The following CFAP221 variants were observed in gnomAD, a reference collection of about 807,000 sequenced individuals.
CFAP221 encodes cilia and flagella associated protein 221, also known as cilia- and flagella-associated protein 221.
CFAP221 carries 97 observed loss-of-function variants against 113.1 expected under a neutral mutation model. The ratio of observed to expected loss-of-function variants is 0.86; its 90% CI spans 0.73 to 1.02. The LOEUF (loss-of-function observed/expected upper bound fraction) is 1.02, where lower values mean the gene tolerates loss of function less well. Ranked by LOEUF, CFAP221 falls within the 50% of genes least tolerant of loss-of-function variation. The pLI, the probability that CFAP221 is intolerant of heterozygous loss-of-function variation, is 0.00. For synonymous variants in CFAP221, 331 were observed against 354.4 expected (o/e 0.93, Z 0.74); for missense variants, 1,025 against 1,013.4 (o/e 1.01, Z -0.16).
intron 21 of CFAP221, among the ~76,000 whole-genome samples, chr2:119,645,073 T>C (rs1003973041): frequency 3.4e-5 from 5 of 146,998 alleles, no homozygotes; most frequent in African/African-American, 1.3e-4. Flanking sequence ...TAATTTCTTT[T>C]TCTTTTCTCT....
intron 13 of CFAP221, among the ~76,000 whole-genome samples, chr2:119,614,064 G>T (rs895114924): frequency 8.5e-5 from 13 of 152,260 alleles, no homozygotes; most frequent in African/African-American, 2.4e-4. Flanking sequence ...GATCTCTAGG[G>T]CAGGGGCAAA....
At chr2:119,622,683 C>T (rs546076319) in intron 14 of CFAP221, among the ~76,000 whole-genome samples, 1 of 152,328 alleles carries the variant, frequency 6.6e-6, no homozygotes, top group East Asian at 1.9e-4. Flanking sequence ...ATCAAGTCAG[C>T]TTCATCCCTG....
chr2:119,632,009 T>C (rs1311030178), intron 19 of CFAP221, among the ~76,000 whole-genome samples: 1 of 152,216 alleles, frequency 6.6e-6, no homozygotes, highest in South Asian at 2.1e-4. Flanking sequence ...AGAAATTGAA[T>C]TTTTGGTTGA....
chr2:119,566,738 C>G (rs560625731), intron 6 of CFAP221, among the ~76,000 whole-genome samples: 1 of 152,222 alleles, frequency 6.6e-6, no homozygotes, highest in Non-Finnish European at 1.5e-5. Flanking sequence ...CCGCACACCC[C>G]ACTCAGAGGC....
At chr2:119,595,961 G>A (rs965738434) in intron 7 of CFAP221, among the ~76,000 whole-genome samples, 3 of 151,922 alleles carry the variant, frequency 2.0e-5, no homozygotes, top group South Asian at 2.1e-4. Flanking sequence ...AGGGAAAGAC[G>A]AGAGCCCATT....
chr2:119,635,775 T>C (rs982785282), intron 19 of CFAP221, among the ~76,000 whole-genome samples: 15 of 152,140 alleles, frequency 9.9e-5, no homozygotes, highest in African/African-American at 2.9e-4. Context: ...TGAAGCATTA[T>C]AGTGAAGTCT....
At chr2:119,576,435 A>C (rs191290482) in intron 6 of CFAP221, among the ~76,000 whole-genome samples, 1 of 152,230 alleles carries the variant, frequency 6.6e-6, no homozygotes, top group African/African-American at 2.4e-5. Context: ...GCTCTCACTT[A>C]CAAGTGAAAA....
intron 20 of CFAP221, among the ~76,000 whole-genome samples, chr2:119,639,435 G>A (rs1347452526): frequency 6.6e-6 from 1 of 152,192 alleles, no homozygotes; most frequent in African/African-American, 2.4e-5. Flanking sequence ...AGTGCTGCTG[G>A]ATGAACTGCC....
At position 119,647,068 on chromosome 2, in the gene CFAP221, A is replaced by G; in HGVS notation, c.2318+18A>G. On this transcript the variant is annotated intron_variant, in intron 22 of 23. Coordinates refer to ENST00000413369, the MANE Select transcript of CFAP221 (RefSeq NM_001271049.2). The stretch of plus-strand genomic sequence containing the variant: ...GTAGAACGGTATTTTTTTTTTTTTT[A>G]ATCTTTGGCCTCTAATGTGGTCTGT... The G allele has an allele frequency of 6.5e-7, 1 of 1,529,780 alleles. No individual in the cohort carries two copies. The highest frequency in any genetic ancestry group is 8.9e-7 in the Non-Finnish European group (1 of 1,117,748). 94.8% of individuals were successfully genotyped at this position (1,529,780 alleles called of 1,614,324 possible).
chr2:119,577,535 A>G (rs1412783550), intron 6 of CFAP221, among the ~76,000 whole-genome samples: 3 of 152,222 alleles, frequency 2.0e-5, no homozygotes, highest in Admixed American at 6.5e-5. Flanking sequence ...AAGAGGGGCT[A>G]TAGTACAGCA....
chr2:119,645,344 T>G (rs888697125), intron 21 of CFAP221, among the ~76,000 whole-genome samples: 16 of 152,070 alleles, frequency 1.1e-4, no homozygotes, highest in African/African-American at 3.9e-4. Context: ...CCCACCTCCC[T>G]CCAGCCCCTG....
At chr2:119,560,860 G>A (rs151010575) in intron 5 of CFAP221, among the ~76,000 whole-genome samples, 6 of 152,060 alleles carry the variant, frequency 3.9e-5, no homozygotes, top group South Asian at 2.1e-4. Flanking sequence ...GACTCACTTC[G>A]TCATATTAGA....
chr2:119,585,921 GGT>G (rs1449819895), intron 6 of CFAP221, among the ~76,000 whole-genome samples: 2 of 152,170 alleles, frequency 1.3e-5, no homozygotes, highest in Non-Finnish European at 2.9e-5. Flanking sequence ...CAGACAGATG[GGT>G]TCGGATGGGT....
chr2:119,628,252 A>G (rs780106025), intron 16 of CFAP221, among the ~76,000 whole-genome samples: 1 of 142,914 alleles, frequency 7.0e-6, no homozygotes, highest in Non-Finnish European at 1.5e-5. Flanking sequence ...AATCTAACCC[A>G]TCAGACTCAC....
intron 19 of CFAP221, among the ~76,000 whole-genome samples, chr2:119,636,911 C>T (rs528300110): frequency 2.0e-5 from 3 of 152,242 alleles, no homozygotes; most frequent in African/African-American, 4.8e-5. Flanking sequence ...CATTCATGAA[C>T]GCCTGGCCCA....
chr2:119,591,466 T>C (rs1441602755), intron 7 of CFAP221, among the ~76,000 whole-genome samples: 1 of 152,254 alleles, frequency 6.6e-6, no homozygotes, highest in African/African-American at 2.4e-5. Context: ...ACAGCGTGGC[T>C]GGCATGATGT....
chr2:119,612,586 A>T (rs181364395), intron 13 of CFAP221, among the ~76,000 whole-genome samples: 243 of 152,298 alleles, frequency 1.6e-3, no homozygotes, highest in Middle Eastern at 3.4e-3. Context: ...ACAATTCAAG[A>T]TGAGATTTAG....
chr2:119,546,114 TC>T lies in CFAP221; in HGVS notation c.-16del. On this transcript the variant is annotated 5_prime_UTR_variant, in exon 2 of 24. It introduces an in-frame stop codon into an upstream open reading frame of the 5' UTR. Transcript: ENST00000413369. ...TGACCTTTGGCTCTAAAAAGAAGAC[TC>T]CATTTTTCATGATAAAATGGCAGTG... is the stretch of plus-strand genomic sequence containing the variant. 6.6e-7 allele frequency: 1 copy of T among 1,521,782 alleles called. No individual in the cohort carries two copies. The highest frequency in any genetic ancestry group is 1.7e-4 in the Middle Eastern group (1 of 5,900). The allele number at this position is 1,521,782 out of a possible 1,614,324, so 94.3% of individuals were successfully genotyped here.
downstream of CFAP221, chr2:119,660,280 G>A (rs960862603): frequency 6.6e-6 from 1 of 152,178 alleles, no homozygotes; most frequent in Non-Finnish European, 1.5e-5. Context: ...GTTGTAACCC[G>A]TTTCCACCAA....
Sources: gnomAD v4.1 joint callset for allele counts (sites outside exome capture counted in the v4.1 genomes callset) on GRCh38, gnomAD v4.1.1 for gene constraint, MANE v1.5 for transcripts, NCBI Gene and HGNC (gene_info 2026-07-23, HGNC 2026-07-21) for gene names.